The following STX3 variants were observed in gnomAD, a reference collection of about 807,000 sequenced individuals.
The protein encoded by STX3 is syntaxin-3.
A neutral mutation model predicts 40.2 loss-of-function variants in STX3; 19 were observed. That is an observed-to-expected ratio of 0.47 (90% CI 0.33 to 0.69). The LOEUF (loss-of-function observed/expected upper bound fraction) is 0.69. STX3 is among the 30% of genes least tolerant of loss of function. The probability of loss-of-function intolerance (pLI) is 0.02; values close to 1 mark genes in which losing one functional copy is unlikely to be tolerated. For synonymous variants in STX3, 122 were observed against 132.2 expected (o/e 0.92, Z 0.53); for missense variants, 364 against 366.7 (o/e 0.99, Z 0.06).
At position 59,790,536 on chromosome 11, in the gene STX3, G is replaced by A; in HGVS notation, c.307G>A (p.Glu103Lys). ...CTCTTTAGGCATGGAGAAGCATATT[G>A]AAGAAGATGAGGTCAGGTCATCGGC... The part of the protein sequence containing the change: ...NKLKSMEKHI[E>K]EDEVRSSADL... Residue 103 changes from glutamate to lysine, a missense_variant, in exon 5 of 11, where the codon GAA becomes AAA. By Grantham distance (56) the Glu-to-Lys change is moderately conservative. Transcript: ENST00000337979. 6.2e-7 allele frequency: 1 copy of A among 1,614,002 alleles called. No individual in the cohort carries two copies. The highest frequency in any genetic ancestry group is 8.5e-7 in the Non-Finnish European group (1 of 1,179,868).
intron 2 of STX3, among the ~76,000 whole-genome samples, chr11:59,775,161 C>T (rs908163002): frequency 6.6e-6 from 1 of 152,078 alleles, no homozygotes; most frequent in Non-Finnish European, 1.5e-5. Flanking sequence ...GAGTAATAAA[C>T]AGGAATTAAG....
At chr11:59,788,794 T>C in intron 3 of STX3, 79 bp from the exon 4 acceptor site, 1 of 1,264,076 alleles carries the variant, frequency 7.9e-7, no homozygotes, top group Non-Finnish European at 1.1e-6. Context: ...GCTCCCCTCC[T>C]CTGATGATGA....
intron 2 of STX3, among the ~76,000 whole-genome samples, chr11:59,785,352 A>G (rs1200133413): frequency 6.6e-6 from 1 of 151,696 alleles, no homozygotes; most frequent in Non-Finnish European, 1.5e-5. Flanking sequence ...TGTTTTTGAG[A>G]CAGAGTCTCA....
In STX3 at chr11:59,775,634, A is replaced by G. The variant is rs575491885; in HGVS notation, c.114+2340A>G. Among the ~76,000 whole-genome samples, 9 of 152,242 alleles carry G rather than the reference A, an allele frequency of 5.9e-5. No homozygotes were observed. In the South Asian group the frequency reaches 1.9e-3, roughly 32 times the overall value. ...GGTTGCTTAACATCTCTTAGTTTTA[A>G]TGTCCTGCTCTGGAAATTGGGAGTG... On this transcript the variant is annotated intron_variant, in intron 2 of 10. Transcript: ENST00000337979.
chr11:59,799,062 A>T (rs977158361), intron 10 of STX3, among the ~76,000 whole-genome samples: 1 of 151,856 alleles, frequency 6.6e-6, no homozygotes, highest in Non-Finnish European at 1.5e-5. Flanking sequence ...GATAACTTTT[A>T]TATTTTTTGT....
chr11:59,780,754 A>G (rs963932086), intron 2 of STX3, among the ~76,000 whole-genome samples: 1 of 152,148 alleles, frequency 6.6e-6, no homozygotes, highest in Non-Finnish European at 1.5e-5. Flanking sequence ...TGCCCCAGCA[A>G]ACTTCTGTTT....
chr11:59,774,607 C>T (rs1863851401), intron 2 of STX3, among the ~76,000 whole-genome samples: 2 of 151,980 alleles, frequency 1.3e-5, no homozygotes, highest in African/African-American at 2.4e-5. Context: ...CCGAGGTGGG[C>T]GGATCACAAG....
intron 2 of STX3, chr11:59,781,293 C>A: frequency 6.4e-7 from 1 of 1,559,312 alleles, no homozygotes; most frequent in Non-Finnish European, 8.7e-7. Context: ...TAACTCCTGT[C>A]CAAAGTGATG....
chr11:59,800,175 G>A, intron 10 of STX3: 1 of 985,416 alleles, frequency 1.0e-6, no homozygotes, highest in Non-Finnish European at 1.2e-6. Context: ...TGTATTCCAT[G>A]TTCCCTAACA....
At chr11:59,781,510 C>A in intron 2 of STX3, 1 of 1,613,968 alleles carries the variant, frequency 6.2e-7, no homozygotes, top group East Asian at 2.2e-5. Context: ...TCAAACTTCT[C>A]TCCCAGGGTA....
chr11:59,786,945 A>C (rs746467563), intron 2 of STX3, 92 bp from the exon 3 acceptor site: 1 of 1,068,666 alleles, frequency 9.4e-7, no homozygotes, highest in Non-Finnish European at 1.4e-6. Context: ...GAAGATGGGC[A>C]GCTTTCACCA....
chr11:59,801,069 C>T lies in STX3; in HGVS notation c.*245C>T, dbSNP rs899191662. 2.5e-5 allele frequency: 36 copies of T among 1,457,180 alleles called. 1 individual carries two copies. In the Admixed American group the frequency reaches 2.7e-4, roughly 11 times the overall value. 90.3% of individuals were successfully genotyped at this position (1,457,180 alleles called of 1,614,324 possible). ...AGCCTCCTCCTGCCCCACCAGCTCT[C>T]AAGTACCTTTTCTCCTGGACTGTGT... On this transcript the variant is annotated 3_prime_UTR_variant, in exon 11 of 11. Transcript: ENST00000337979.
In STX3 at chr11:59,755,495, C is replaced by G. The variant is rs535234628; in HGVS notation, c.-111C>G. The G allele has an allele frequency of 5.0e-5, 69 of 1,377,746 alleles. No individual in the cohort carries two copies. In the South Asian group the frequency reaches 8.6e-4, roughly 17 times the overall value. The allele number at this position is 1,377,746 out of a possible 1,614,324, so 85.3% of individuals were successfully genotyped here. ...CCGCCGCCGCCTGCGCCTCCAGCTC[C>G]TTCGCCCCGGCGGGCCCGGCCGCCG... On this transcript the variant is annotated 5_prime_UTR_variant, in exon 1 of 11. Coordinates refer to ENST00000337979, the MANE Select transcript of STX3 (RefSeq NM_004177.5).
intron 1 of STX3, among the ~76,000 whole-genome samples, chr11:59,769,594 G>T (rs1298344332): frequency 6.6e-6 from 1 of 152,158 alleles, no homozygotes; most frequent in Non-Finnish European, 1.5e-5. Flanking sequence ...AGGCTGCCTG[G>T]CTACATCTGC....
rs1865885632 is a variant in STX3, at chr11:59,801,487, T to C, written c.*663T>C. The C allele has an allele frequency of 1.0e-6, 1 of 985,718 alleles. No homozygotes were observed. The highest frequency in any genetic ancestry group is 1.2e-6 in the Non-Finnish European group (1 of 830,226). The allele number at this position is 985,718 out of a possible 1,614,324, so 61.1% of individuals were successfully genotyped here. A position where few individuals can be genotyped will look rare whatever the true frequency, so the allele number is the denominator to read the frequency against. On this transcript the variant is annotated 3_prime_UTR_variant, in exon 11 of 11. Coordinates refer to ENST00000337979, the MANE Select transcript of STX3 (RefSeq NM_004177.5). ...CTGTGTTGTAGTCTCTCATATTTAC[T>C]CAAGGAGGGACCAGGATGATACAGT...
At chr11:59,794,452 C>G (rs1455037363) in intron 8 of STX3, among the ~76,000 whole-genome samples, 2 of 152,172 alleles carry the variant, frequency 1.3e-5, no homozygotes, top group Non-Finnish European at 2.9e-5. Flanking sequence ...AGCTCGAGCA[C>G]AGCTTGACTA....
chr11:59,756,251 A>G (rs1862711314), intron 1 of STX3, among the ~76,000 whole-genome samples: 1 of 152,160 alleles, frequency 6.6e-6, no homozygotes, highest in Non-Finnish European at 1.5e-5. Flanking sequence ...TGGCTGCGCA[A>G]AAGCTGTAAA....
intron 5 of STX3, 107 bp downstream of exon 5, chr11:59,790,693 A>C: frequency 1.2e-6 from 1 of 819,968 alleles, no homozygotes; most frequent in Non-Finnish European, 2.0e-6. Context: ...TTGAAACTCA[A>C]TTTGAAGACC....
At chr11:59,783,954 G>A (rs994458650) in intron 2 of STX3, among the ~76,000 whole-genome samples, 11 of 152,202 alleles carry the variant, frequency 7.2e-5, no homozygotes, top group Non-Finnish European at 1.5e-4. Context: ...ACAGTGGGTG[G>A]AGGATGGGTG....
Sources: allele counts gnomAD v4.1 joint callset (sites outside exome capture counted in the v4.1 genomes callset), GRCh38; gene constraint gnomAD v4.1.1; transcripts MANE v1.5; gene names NCBI Gene and HGNC (gene_info 2026-07-23, HGNC 2026-07-21).